The following NIPBL variants were observed in gnomAD, a reference collection of about 807,000 sequenced individuals.
NIPBL encodes the protein NIPBL cohesin loading factor, also known as nipped-B-like protein.
NIPBL carries 19 observed loss-of-function variants against 321.8 expected under a neutral mutation model. That is an observed-to-expected ratio of 0.06 (90% CI 0.04 to 0.09). NIPBL has a LOEUF of 0.09. Among genes scored for constraint, NIPBL ranks in the 10% least tolerant of loss-of-function variants. The pLI, the probability that NIPBL is intolerant of heterozygous loss-of-function variation, is 1.00. For synonymous variants in NIPBL, 1,106 were observed against 1,114.1 expected (o/e 0.99, Z 0.14); for missense variants, 2,210 against 3,327.0 (o/e 0.66, Z 8.26).
chr5:36,886,436 G>A (rs757516729), intron 1 of NIPBL: 11 of 741,862 alleles, frequency 1.5e-5, no homozygotes, highest in East Asian at 2.5e-5. Context: ...ACCACCACCC[G>A]CTGGATAGTG....
intron 11 of NIPBL, 145 bp from the exon 12 acceptor site, chr5:37,000,228 T>A (rs921449147): frequency 4.1e-6 from 3 of 731,910 alleles, no homozygotes; most frequent in Non-Finnish European, 4.4e-6. Context: ...TATCATAACT[T>A]AAACTTCTGG....
intron 1 of NIPBL, among the ~76,000 whole-genome samples, chr5:36,941,718 A>G (rs901226533): frequency 2.0e-5 from 3 of 152,110 alleles, no homozygotes; most frequent in African/African-American, 7.2e-5. Flanking sequence ...TTTCACAGTA[A>G]GTTTACTTTT....
chr5:36,933,523 G>T (rs978113869), intron 1 of NIPBL, among the ~76,000 whole-genome samples: 1 of 151,970 alleles, frequency 6.6e-6, no homozygotes, highest in Non-Finnish European at 1.5e-5. Flanking sequence ...AATTTGATCC[G>T]ATTTCAGGAA....
intron 1 of NIPBL, among the ~76,000 whole-genome samples, chr5:36,912,523 G>GA (rs1349065647): frequency 4.7e-5 from 7 of 149,664 alleles, no homozygotes; most frequent in African/African-American, 1.7e-4. Context: ...TTTTTTTGGG[G>GA]ATGGAATCTC....
At chr5:36,930,111 AAAAC>A in intron 1 of NIPBL, among the ~76,000 whole-genome samples, 1 of 152,036 alleles carries the variant, frequency 6.6e-6, no homozygotes, top group Non-Finnish European at 1.5e-5. Flanking sequence ...CTATGGAAAA[AAAAC>A]AGCTGGGATT....
Position 37,052,384 on chromosome 5 carries a change from A to G in NIPBL, c.7081A>G (p.Met2361Val), listed in dbSNP as rs1169254512. The stretch of plus-strand genomic sequence containing the variant: ...ATTTCAGATGAAAGCAGTGGCTGGT[A>G]TGAAGATGTCTTACCAGGTACAACA... The part of the protein sequence containing the change: ...GFIHMKAVAG[M>V]KMSYQVQQAI... The change falls in exon 42 of 47, where the codon ATG becomes GTG. Residue 2361 changes from methionine (M) to valine (V), a missense_variant. Physicochemically the swap from Met to Val is conservative, Grantham distance 21. This residue lies in a region of NIPBL where 112 missense variants were observed against 288.3 expected (regional missense o/e 0.39). Transcript: ENST00000282516. The G allele has an allele frequency of 6.2e-7, 1 of 1,614,076 alleles. No individual in the cohort carries two copies.
rs528913497 is a variant in NIPBL at position 37,035,978 on chromosome 5, G to A, written c.5863-401G>A. Among the ~76,000 whole-genome samples the A allele has an allele frequency of 5.3e-5, 8 of 152,088 alleles. No homozygotes were observed. The South Asian group carries it at 1.7e-3, about 32-fold the overall frequency. On this transcript the variant is annotated intron_variant, in intron 32 of 46. Coordinates refer to ENST00000282516, the MANE Select transcript of NIPBL (RefSeq NM_133433.4). ...GTTATGTTTTATAATTGCCTTTTAAGGTGCAATTCAGATGCAGTTATTAAT... is the reference window on the plus strand; with the variant it reads ...GTTATGTTTTATAATTGCCTTTTAAAGTGCAATTCAGATGCAGTTATTAAT...
intron 1 of NIPBL, among the ~76,000 whole-genome samples, chr5:36,914,734 C>T (rs1345529601): frequency 6.6e-6 from 1 of 152,160 alleles, no homozygotes; most frequent in Non-Finnish European, 1.5e-5. Flanking sequence ...CAAACAGTGG[C>T]TTTCCTCTTA....
intron 1 of NIPBL, among the ~76,000 whole-genome samples, chr5:36,952,502 C>T (rs1323302541): frequency 6.6e-6 from 1 of 151,772 alleles, no homozygotes; most frequent in Non-Finnish European, 1.5e-5. Context: ...TATCTACTTA[C>T]AAAAAAGGAC....
At chr5:36,982,858 G>A (rs1011652906) in intron 9 of NIPBL, among the ~76,000 whole-genome samples, 15 of 151,812 alleles carry the variant, frequency 9.9e-5, no homozygotes, top group African/African-American at 2.9e-4. Context: ...GACCTATGTC[G>A]TTGTGTATCT....
chr5:37,045,227 G>T (rs980652451), intron 36 of NIPBL, among the ~76,000 whole-genome samples: 1 of 151,876 alleles, frequency 6.6e-6, no homozygotes, highest in Admixed American at 6.6e-5. Context: ...GGTGGCACAC[G>T]ACTGTAATCC....
chr5:37,014,823 T>C, intron 22 of NIPBL, 58 bp downstream of exon 22: 1 of 1,025,492 alleles, frequency 9.8e-7, no homozygotes, highest in Non-Finnish European at 1.5e-6. Context: ...GAATAGTTCA[T>C]TTTTTTAAAA....
intron 12 of NIPBL, 51 bp from the exon 13 acceptor site, chr5:37,000,766 T>A: frequency 6.7e-7 from 1 of 1,483,390 alleles, no homozygotes; most frequent in Non-Finnish European, 9.4e-7. Context: ...AAAATGGAAT[T>A]ATTTTAAGTT....
intron 1 of NIPBL, among the ~76,000 whole-genome samples, chr5:36,921,979 C>T (rs758214539): frequency 4.6e-5 from 7 of 151,618 alleles, no homozygotes; most frequent in African/African-American, 9.7e-5. Context: ...CTCTGCCTCC[C>T]GGGTTCAAGT....
Position 36,994,545 on chromosome 5 carries a change from T to C in NIPBL, c.3122-1077T>C, listed in dbSNP as rs571386789. The stretch of plus-strand genomic sequence containing the variant: ...CATTTGCATGTTATAAAGGATAGTG[T>C]TAATGTTGATTGTAAGTTACTAATA... On this transcript the variant is annotated intron_variant, in intron 10 of 46. Transcript: ENST00000282516. Among the ~76,000 whole-genome samples the C allele has an allele frequency of 2.4e-4, 36 of 152,256 alleles. No individual in the cohort carries two copies. The East Asian group carries it at 6.7e-3, about 29-fold the overall frequency.
chr5:37,005,701 T>A (rs866338065), intron 16 of NIPBL, among the ~76,000 whole-genome samples: 1 of 152,184 alleles, frequency 6.6e-6, no homozygotes. Context: ...AGTTTATATT[T>A]CATAACTAAA....
At chr5:37,017,546 G>A (rs1340560606) in intron 24 of NIPBL, among the ~76,000 whole-genome samples, 1 of 151,168 alleles carries the variant, frequency 6.6e-6, no homozygotes, top group African/African-American at 2.4e-5. Flanking sequence ...GGTGTGAGGA[G>A]AGCTTTTTTA....
intron 6 of NIPBL, 24 bp downstream of exon 6, chr5:36,962,298 A>G: frequency 1.2e-6 from 2 of 1,613,496 alleles, no homozygotes; most frequent in Non-Finnish European, 1.7e-6. Flanking sequence ...TTGTAACTTC[A>G]CTGGGAATGT....
chr5:36,971,970 A>G lies in NIPBL; in HGVS notation c.797A>G (p.Asn266Ser). The change falls in exon 8 of 47, where the codon AAT becomes AGT. Residue 266 changes from asparagine (N) to serine (S), a missense_variant. Coordinates refer to ENST00000282516, the MANE Select transcript of NIPBL (RefSeq NM_133433.4). ...GATGGAGATTCTTCAACAATGAGGA[A>G]TGCTGCATCTTTTCCCTTGAGATCT... is the stretch of plus-strand genomic sequence containing the variant. The part of the protein sequence containing the change: ...SDDGDSSTMR[N>S]AASFPLRSPQ... The G allele has an allele frequency of 6.2e-7, 1 of 1,612,100 alleles. No individual in the cohort carries two copies. Among genetic ancestry groups the G allele is most frequent in the Non-Finnish European group, 8.5e-7 (1 of 1,178,952 alleles).
Sources: allele counts gnomAD v4.1 joint callset (sites outside exome capture counted in the v4.1 genomes callset), GRCh38; gene constraint gnomAD v4.1.1; regional missense constraint gnomAD v4.1.1; transcripts MANE v1.5; gene names NCBI Gene and HGNC (gene_info 2026-07-23, HGNC 2026-07-21).